Variants in DYNC2H1 observed in about 807,000 individuals in gnomAD.
DYNC2H1 encodes cytoplasmic dynein 2 heavy chain 1.
DYNC2H1 carries 410 observed loss-of-function variants against 570.0 expected under a neutral mutation model. The ratio of observed to expected loss-of-function variants is 0.72; its 90% CI spans 0.66 to 0.78. The LOEUF is 0.78. Among genes scored for constraint, DYNC2H1 ranks in the 30% least tolerant of loss-of-function variants. The probability of loss-of-function intolerance (pLI) is 0.00; values close to 1 mark genes in which losing one functional copy is unlikely to be tolerated. For synonymous variants in DYNC2H1, 1,688 were observed against 1,677.6 expected, an observed-to-expected ratio of 1.01 and a Z score of -0.15; for missense variants, 4,865 against 5,046.4, an observed-to-expected ratio of 0.96 and a Z score of 1.09.
rs1056594097 is a variant in DYNC2H1, at chr11:103,244,573, A to G, written c.9919-678A>G. ...TCATTTATGGTTTGCAATATTATAT[A>G]TAACTATATATGCAAATCATTTATG... On this transcript the variant is annotated intron_variant, in intron 64 of 88. Coordinates refer to ENST00000375735, the MANE Select transcript of DYNC2H1 (RefSeq NM_001377.3). This position sits in a 1 kb window ranked among gnomAD's most constrained non-coding sequence, Gnocchi z 4.3. 3.4e-5 allele frequency among the ~76,000 whole-genome samples: 5 copies of G among 149,194 alleles called. No homozygotes were observed. Among genetic ancestry groups the G allele is most frequent in the African/African-American group, 4.9e-5 (2 of 41,028 alleles).
At chr11:103,382,248 G>C (rs1235065849) in intron 83 of DYNC2H1, among the ~76,000 whole-genome samples, 1 of 152,076 alleles carries the variant, frequency 6.6e-6, no homozygotes, top group African/African-American at 2.4e-5. Flanking sequence ...GCATATAAAA[G>C]AATCTCTTTT....
Position 103,170,317 on chromosome 11 carries a change from T to C in DYNC2H1, c.5151+27T>C, listed in dbSNP as rs1861517899. 6.6e-7 allele frequency: 1 copy of C among 1,516,040 alleles called. No individual in the cohort carries two copies. The highest frequency in any genetic ancestry group is 2.4e-5 in the East Asian group (1 of 41,120). 93.9% of individuals were successfully genotyped at this position (1,516,040 alleles called of 1,614,324 possible). ...TAGAATAAATAATTATCAAAATATG[T>C]AACAATGGGTTAATCATATTTAGAT... On this transcript the variant is annotated intron_variant, in intron 33 of 88. Transcript: ENST00000375735. The surrounding 1 kb of genome is among the most constrained non-coding windows in gnomAD (Gnocchi z 4.8).
chr11:103,363,731 G>A lies in DYNC2H1; in HGVS notation c.12156+5372G>A, dbSNP rs1180596080. ...AAATATAAATTAAGTCTACATTACT[G>A]ATTGTGACTAATAATTTAAGGCATC... On this transcript the variant is annotated intron_variant, in intron 83 of 88. Coordinates refer to ENST00000375735, the MANE Select transcript of DYNC2H1 (RefSeq NM_001377.3). This position sits in a 1 kb window ranked among gnomAD's most constrained non-coding sequence, Gnocchi z 5.6. 6.6e-6 allele frequency among the ~76,000 whole-genome samples: 1 copy of A among 152,180 alleles called. No individual in the cohort carries two copies. Among genetic ancestry groups the A allele is most frequent in the Non-Finnish European group, 1.5e-5 (1 of 68,026 alleles).
At chr11:103,438,668 G>C (rs987145569) in intron 85 of DYNC2H1, among the ~76,000 whole-genome samples, 2 of 152,144 alleles carry the variant, frequency 1.3e-5, no homozygotes, top group African/African-American at 4.8e-5. Flanking sequence ...AATAAGGTAA[G>C]ACTGACTTGG....
At chr11:103,223,512 C>G (rs902178461) in intron 59 of DYNC2H1, among the ~76,000 whole-genome samples, 1 of 152,026 alleles carries the variant, frequency 6.6e-6, no homozygotes, top group Non-Finnish European at 1.5e-5. Context: ...CTCAGCCTCC[C>G]GAGTAGCTGG....
chr11:103,325,927 G>C lies in DYNC2H1; in HGVS notation c.12039+1937G>C, dbSNP rs1938445514. Among the ~76,000 whole-genome samples the C allele has an allele frequency of 6.6e-6, 1 of 152,166 alleles. No homozygotes were observed. The highest frequency in any genetic ancestry group is 2.4e-5 in the African/African-American group (1 of 41,442). On this transcript the variant is annotated intron_variant, in intron 82 of 88. Coordinates refer to ENST00000375735, the MANE Select transcript of DYNC2H1 (RefSeq NM_001377.3). The surrounding 1 kb of genome is among the most constrained non-coding windows in gnomAD (Gnocchi z 4.8). The stretch of plus-strand genomic sequence containing the variant: ...GGGACACTGGCTTTTTGAATTGCCA[G>C]AGTTTTTTCTCTGATTCTCATCTGG...
At chr11:103,315,119 T>C (rs981229200) in intron 79 of DYNC2H1, among the ~76,000 whole-genome samples, 1 of 152,006 alleles carries the variant, frequency 6.6e-6, no homozygotes, top group African/African-American at 2.4e-5. Context: ...ATCCAAATGC[T>C]ATTGACCCCA....
chr11:103,329,265 C>A (rs561022260), intron 82 of DYNC2H1, among the ~76,000 whole-genome samples: 1 of 151,634 alleles, frequency 6.6e-6, no homozygotes, highest in South Asian at 2.1e-4. Context: ...GAAAACAAGA[C>A]AAGCAGAAGA....
At chr11:103,191,999 A>G (rs930732976) in intron 46 of DYNC2H1, 98 bp from the exon 47 acceptor site, 1 of 937,468 alleles carries the variant, frequency 1.1e-6, no homozygotes, top group Non-Finnish European at 1.5e-6. Context: ...TGCCAAAATT[A>G]TGGTATGTAG....
rs2135228394 is a variant in DYNC2H1, at chr11:103,244,623, A to C, written c.9919-628A>C. 6.7e-6 allele frequency among the ~76,000 whole-genome samples: 1 copy of C among 148,702 alleles called. No homozygotes were observed. The highest frequency in any genetic ancestry group is 1.9e-4 in the East Asian group (1 of 5,132). On this transcript the variant is annotated intron_variant, in intron 64 of 88. Coordinates refer to ENST00000375735, the MANE Select transcript of DYNC2H1 (RefSeq NM_001377.3). The surrounding 1 kb of genome is among the most constrained non-coding windows in gnomAD (Gnocchi z 4.3). ...GGTTTGCAATATTATGTATGACTAC[A>C]TATAAGTATACTATATATCTCTATA...
chr11:103,428,321 C>T (rs1357610315), intron 84 of DYNC2H1, among the ~76,000 whole-genome samples: 2 of 151,362 alleles, frequency 1.3e-5, no homozygotes, highest in African/African-American at 2.4e-5. Flanking sequence ...CTATATCATG[C>T]GAGGCTCTGG....
At chr11:103,354,786 A>C (rs951714277) in intron 82 of DYNC2H1, among the ~76,000 whole-genome samples, 2 of 147,728 alleles carry the variant, frequency 1.4e-5, no homozygotes, top group Non-Finnish European at 3.0e-5. Context: ...ATAATCTATT[A>C]TTTCTAGCTT....
In DYNC2H1 at chr11:103,170,932, AGT is replaced by A; in HGVS notation, c.5202_5203del (p.Cys1734TrpfsTer7). Reference sequence around the variant, plus strand: ...GGACGAATATTTGTTGGTTTGGTGAAGTGTGGGGCCTGGGGTTGTTTTGATGA... The same window carrying A: ...GGACGAATATTTGTTGGTTTGGTGAAGTGGGGCCTGGGGTTGTTTTGATGA... On this transcript the variant is annotated frameshift_variant, in exon 34 of 89. Coordinates refer to ENST00000375735, the MANE Select transcript of DYNC2H1 (RefSeq NM_001377.3). LOFTEE classifies it high-confidence loss of function. The surrounding 1 kb of genome is among the most constrained non-coding windows in gnomAD (Gnocchi z 4.8). The A allele has an allele frequency of 6.3e-7, 1 of 1,597,588 alleles. No individual in the cohort carries two copies. The highest frequency in any genetic ancestry group is 8.6e-7 in the Non-Finnish European group (1 of 1,169,274).
At chr11:103,187,233 C>T (rs1229138336) in intron 42 of DYNC2H1, 107 bp from the exon 43 acceptor site, 2 of 1,456,006 alleles carry the variant, frequency 1.4e-6, no homozygotes, top group African/African-American at 2.9e-5. Flanking sequence ...TCATCATATA[C>T]ATTTTAGAAA....
Position 103,189,969 on chromosome 11 carries a change from T to TCACA in DYNC2H1, c.7437+153_7437+154insCACA, listed in dbSNP as rs1353969892. On this transcript the variant is annotated intron_variant, in intron 45 of 88. Coordinates refer to ENST00000375735, the MANE Select transcript of DYNC2H1 (RefSeq NM_001377.3). The surrounding 1 kb of genome is among the most constrained non-coding windows in gnomAD (Gnocchi z 4.3). Reference sequence around the variant, plus strand: ...AGTAACTGTGAAGACAGGTGCTGTGTGTGCCTTATTCACTGTTGTATCCAT... The same window carrying TCACA: ...AGTAACTGTGAAGACAGGTGCTGTGTCACAGTGCCTTATTCACTGTTGTATCCAT... Among the ~76,000 whole-genome samples the TCACA allele has an allele frequency of 6.6e-6, 1 of 152,234 alleles. No homozygotes were observed. The highest frequency in any genetic ancestry group is 6.5e-5 in the Admixed American group (1 of 15,268).
At chr11:103,179,303 A>G (rs1861756210) in intron 39 of DYNC2H1, 70 bp downstream of exon 39, 1 of 1,405,208 alleles carries the variant, frequency 7.1e-7, no homozygotes, top group Non-Finnish European at 9.7e-7. Context: ...ATATTAAGTA[A>G]AATAAGTGTA....
At chr11:103,216,672 G>A (rs1243722169) in intron 55 of DYNC2H1, among the ~76,000 whole-genome samples, 2 of 151,968 alleles carry the variant, frequency 1.3e-5, no homozygotes, top group Non-Finnish European at 2.9e-5. Context: ...CGTGCCTATA[G>A]TCCCAGCTAC....
chr11:103,158,746 T>A lies in DYNC2H1; in HGVS notation c.4197T>A (p.Asn1399Lys), dbSNP rs779411093. The change falls in exon 27 of 89, where the codon AAT becomes AAA. Residue 1399 changes from asparagine to lysine, a missense_variant. Coordinates refer to ENST00000375735, the MANE Select transcript of DYNC2H1 (RefSeq NM_001377.3). ...TTLTTHAGIR[N>K]SLLTILDQLQ... is the part of the protein sequence containing the mutation. ...TAACTACTCATGCTGGAATAAGAAA[T>A]TCTCTACTAACAATACTTGATCAGC... 4.0e-6 allele frequency: 6 copies of A among 1,518,272 alleles called. No homozygotes were observed. In the East Asian group the frequency reaches 1.2e-4, roughly 31 times the overall value. The allele number at this position is 1,518,272 out of a possible 1,614,324, so 94.1% of individuals were successfully genotyped here.
rs183363472 is a variant in DYNC2H1 at position 103,231,173 on chromosome 11, C to T, written c.9354-87C>T. ...CTGAGTTACTGACAGTTTTAATTGT[C>T]ATATGATTACATTTTAAGGTGCTGC... On this transcript the variant is annotated intron_variant, in intron 59 of 88. Transcript: ENST00000375735. 3.7e-3 allele frequency: 2,593 copies of T among 703,106 alleles called. 23 individuals carry two copies. Among genetic ancestry groups the T allele is most frequent in the Admixed American group, 0.016 (518 of 32,266 alleles). The allele number at this position is 703,106 out of a possible 1,614,324, so 43.6% of individuals were successfully genotyped here. A position where few individuals can be genotyped will look rare whatever the true frequency, so the allele number is the denominator to read the frequency against.
Sources: allele counts gnomAD v4.1 joint callset (sites outside exome capture counted in the v4.1 genomes callset), GRCh38; gene constraint gnomAD v4.1.1; non-coding constraint Gnocchi (gnomAD v3.1); transcripts MANE v1.5; gene names NCBI Gene and HGNC (gene_info 2026-07-23, HGNC 2026-07-21).